PSMA1: variants seen among roughly 807,000 people sequenced by gnomAD.
PSMA1 encodes the protein proteasome subunit alpha type-1.
Under a neutral mutation model 38.4 loss-of-function variants are expected in PSMA1, and 3 were observed. The observed-to-expected ratio is 0.08, with a 90% confidence interval of 0.04 to 0.20. PSMA1 has a LOEUF of 0.20. Among genes scored for constraint, PSMA1 ranks in the 10% least tolerant of loss-of-function variants. The pLI is 1.00. For missense variants in PSMA1, 227 were observed against 325.3 expected (o/e 0.70, Z 2.32); for synonymous variants, 101 against 107.1 (o/e 0.94, Z 0.35).
chr11:14,563,495 G>C (rs1852033660), intron 2 of PSMA1, among the ~76,000 whole-genome samples: 1 of 152,150 alleles, frequency 6.6e-6, no homozygotes, highest in Non-Finnish European at 1.5e-5. Context: ...CAAATAATTA[G>C]AGCTGCCTGG....
At chr11:14,518,943 T>C (rs1851479409) in intron 2 of PSMA1, 54 bp downstream of exon 2, 7 of 1,380,914 alleles carry the variant, frequency 5.1e-6, no homozygotes, top group South Asian at 3.8e-5. Context: ...TTTCTAAATA[T>C]ATTGCAGCCA....
At chr11:14,559,468 G>A (rs1262255069) in intron 2 of PSMA1, among the ~76,000 whole-genome samples, 3 of 152,226 alleles carry the variant, frequency 2.0e-5, no homozygotes, top group Non-Finnish European at 4.4e-5. Flanking sequence ...ATGGGTGCGG[G>A]CAGATAAGTG....
intron 1 of PSMA1, among the ~76,000 whole-genome samples, chr11:14,642,072 A>G (rs1853211641): frequency 6.6e-6 from 1 of 152,158 alleles, no homozygotes; most frequent in South Asian, 2.1e-4. Flanking sequence ...ACTTTAGATG[A>G]TAACTTCAGA....
At chr11:14,513,532 C>CAAAAAAAAAA (rs59773789) in intron 7 of PSMA1, 38 bp downstream of exon 7, 3 of 961,104 alleles carry the variant, frequency 3.1e-6, no homozygotes, top group African/African-American at 2.5e-5. Context: ...CTGGAAAAGG[C>CAAAAAAAAAA]AAAAAAAAAA....
chr11:14,545,202 C>T (rs1315902861), intron 2 of PSMA1, among the ~76,000 whole-genome samples: 7 of 152,132 alleles, frequency 4.6e-5, no homozygotes, highest in Non-Finnish European at 7.4e-5. Flanking sequence ...AAATAAAACA[C>T]ATAAGAATCC....
upstream of PSMA1, among the ~76,000 whole-genome samples, chr11:14,524,449 A>G (rs1218909023): frequency 1.3e-5 from 2 of 152,030 alleles, no homozygotes; most frequent in African/African-American, 4.8e-5. Flanking sequence ...CCCCACCCTT[A>G]AGAAGGTTCT....
chr11:14,592,830 G>A (rs1424174690), intron 2 of PSMA1, among the ~76,000 whole-genome samples: 1 of 152,128 alleles, frequency 6.6e-6, no homozygotes, highest in East Asian at 1.9e-4. Context: ...TCATATCTCA[G>A]GTCTCAGATA....
intron 2 of PSMA1, among the ~76,000 whole-genome samples, chr11:14,610,337 GT>G (rs1467734801): frequency 2.0e-5 from 2 of 100,502 alleles, no homozygotes; most frequent in Non-Finnish European, 4.0e-5. Context: ...GAGTGGGGCT[GT>G]GTCTAGTGAC....
At chr11:14,612,219 A>T (rs1042951816) in intron 1 of PSMA1, among the ~76,000 whole-genome samples, 2 of 152,250 alleles carry the variant, frequency 1.3e-5, no homozygotes, top group African/African-American at 4.8e-5. Flanking sequence ...CAGTTGTGTC[A>T]TAGGAAAACA....
chr11:14,601,862 T>C (rs1852584285), intron 2 of PSMA1, among the ~76,000 whole-genome samples: 1 of 152,196 alleles, frequency 6.6e-6, no homozygotes, highest in African/African-American at 2.4e-5. Context: ...TCAAGGTCCA[T>C]GCCAAATAAC....
intron 1 of PSMA1, among the ~76,000 whole-genome samples, chr11:14,638,778 G>T (rs7115415): frequency 1.3e-5 from 2 of 149,844 alleles, no homozygotes; most frequent in Non-Finnish European, 3.0e-5. Flanking sequence ...TTTTGTGGCA[G>T]AACTCCACAA....
chr11:14,514,531 T>C (rs1407351091), intron 4 of PSMA1, 40 bp from the exon 5 acceptor site: 30 of 1,390,446 alleles, frequency 2.2e-5, no homozygotes, highest in Non-Finnish European at 2.7e-5. Flanking sequence ...TTTCAAATTA[T>C]AGACAACTAT....
intron 2 of PSMA1, among the ~76,000 whole-genome samples, chr11:14,589,429 A>G (rs1278874623): frequency 3.4e-5 from 5 of 149,084 alleles, no homozygotes; most frequent in South Asian, 2.1e-4. Flanking sequence ...ATATGTGTGT[A>G]TATATATGTG....
At chr11:14,592,376 C>CTATATA (rs71044013) in intron 2 of PSMA1, among the ~76,000 whole-genome samples, 78 of 122,394 alleles carry the variant, frequency 6.4e-4, no homozygotes, top group Admixed American at 2.1e-3. Flanking sequence ...CTCTCTCTCT[C>CTATATA]TATATATATA....
intron 2 of PSMA1, among the ~76,000 whole-genome samples, chr11:14,530,803 G>A (rs760545638): frequency 2.6e-5 from 4 of 151,666 alleles, no homozygotes; most frequent in Non-Finnish European, 5.9e-5. Context: ...TTAGGAGGCT[G>A]AGGCAGGAGA....
chr11:14,517,200 G>C (rs1367889553), intron 4 of PSMA1, among the ~76,000 whole-genome samples: 1 of 152,122 alleles, frequency 6.6e-6, no homozygotes, highest in Non-Finnish European at 1.5e-5. Context: ...CTTAAGACAA[G>C]ATCCATGTCT....
intron 2 of PSMA1, among the ~76,000 whole-genome samples, chr11:14,532,905 T>TAAAAAAAAAAAAA (rs1045512634): frequency 1.3e-5 from 2 of 150,524 alleles, no homozygotes; most frequent in African/African-American, 5.0e-5. Context: ...AAAAAAAATT[T>TAAAAAAAAAAAAA]AAAAAAAATC....
intron 2 of PSMA1, among the ~76,000 whole-genome samples, chr11:14,569,439 T>C (rs1852112650): frequency 6.6e-6 from 1 of 152,022 alleles, no homozygotes; most frequent in South Asian, 2.1e-4. Context: ...GTGCAAGGGA[T>C]TGGGGAATTC....
At chr11:14,638,440 A>G (rs887946940) in intron 1 of PSMA1, among the ~76,000 whole-genome samples, 1 of 146,976 alleles carries the variant, frequency 6.8e-6, no homozygotes, top group Non-Finnish European at 1.5e-5. Flanking sequence ...AACTAGATGA[A>G]TCCTTTTGAG....
Sources: gnomAD v4.1 joint callset for allele counts (sites outside exome capture counted in the v4.1 genomes callset) on GRCh38, gnomAD v4.1.1 for gene constraint, MANE v1.5 for transcripts, NCBI Gene and HGNC (gene_info 2026-07-23, HGNC 2026-07-21) for gene names.